The following ART1 variants were observed in gnomAD, a reference collection of about 807,000 sequenced individuals.
The protein encoded by ART1 is GPI-linked NAD(P)(+)--arginine ADP-ribosyltransferase 1.
ART1 carries 29 observed loss-of-function variants against 27.0 expected under a neutral mutation model. The ratio of observed to expected loss-of-function variants is 1.08; its 90% CI spans 0.80 to 1.47. ART1 has a LOEUF of 1.47. Ranked by LOEUF, ART1 falls within the 40% of genes most tolerant of loss-of-function variation. The pLI, the probability that ART1 is intolerant of heterozygous loss-of-function variation, is 0.00. For synonymous variants in ART1, 201 were observed against 172.2 expected, an observed-to-expected ratio of 1.17 and a Z score of -1.31; for missense variants, 480 against 423.0, an observed-to-expected ratio of 1.13 and a Z score of -1.18.
At chr11:3,663,349 T>C (rs1322172507) in intron 4 of ART1, among the ~76,000 whole-genome samples, 3 of 152,158 alleles carry the variant, frequency 2.0e-5, no homozygotes, top group Non-Finnish European at 4.4e-5. Flanking sequence ...TAATTCCAGA[T>C]ACTGGAAAAG....
intron 1 of ART1, among the ~76,000 whole-genome samples, chr11:3,648,942 A>G (rs1362179231): frequency 6.9e-6 from 1 of 144,136 alleles, no homozygotes; most frequent in Non-Finnish European, 1.5e-5. Flanking sequence ...CCACACCCCA[A>G]CCTCTTACCT....
At chr11:3,662,590 A>ATC (rs1277263024) in intron 4 of ART1, among the ~76,000 whole-genome samples, 14 of 152,350 alleles carry the variant, frequency 9.2e-5, no homozygotes, top group African/African-American at 3.4e-4. Context: ...CACGCCTGTA[A>ATC]TCCCAGCACT....
intron 4 of ART1, among the ~76,000 whole-genome samples, chr11:3,663,500 A>G (rs943354067): frequency 6.6e-6 from 1 of 152,236 alleles, no homozygotes; most frequent in Non-Finnish European, 1.5e-5. Context: ...TTGTGGCAAT[A>G]GAAGGCAGTT....
At chr11:3,655,080 C>G (rs964676661) in intron 1 of ART1, among the ~76,000 whole-genome samples, 7 of 152,214 alleles carry the variant, frequency 4.6e-5, no homozygotes, top group Non-Finnish European at 8.8e-5. Context: ...CTTATCTAAA[C>G]TGGACTTGGT....
At chr11:3,650,137 CAA>C (rs1047434054) in intron 1 of ART1, among the ~76,000 whole-genome samples, 4 of 152,224 alleles carry the variant, frequency 2.6e-5, no homozygotes, top group African/African-American at 9.7e-5. Context: ...CTCCGGCACA[CAA>C]GAACTTCCAC....
intron 2 of ART1, 50 bp from the exon 3 acceptor site, chr11:3,659,533 A>C (rs2077600192): frequency 1.3e-6 from 2 of 1,528,788 alleles, no homozygotes; most frequent in Non-Finnish European, 1.8e-6. Flanking sequence ...CAGGGGACTC[A>C]TTCTCCCAGG....
chr11:3,655,033 C>T (rs1209805794), intron 1 of ART1, among the ~76,000 whole-genome samples: 2 of 152,248 alleles, frequency 1.3e-5, no homozygotes, highest in Non-Finnish European at 1.5e-5. Context: ...CAAACATTTA[C>T]TCCCAGGCTC....
chr11:3,664,024 C>T, intron 4 of ART1, 68 bp from the exon 5 acceptor site: 1 of 1,508,038 alleles, frequency 6.6e-7, no homozygotes, highest in Non-Finnish European at 9.1e-7. Flanking sequence ...CACTTTTGCT[C>T]CTGTGCTCCT....
At chr11:3,660,704 C>T (rs531406237) in intron 3 of ART1, among the ~76,000 whole-genome samples, 2 of 152,302 alleles carry the variant, frequency 1.3e-5, no homozygotes, top group East Asian at 3.9e-4. Context: ...TATTTTCCAG[C>T]CAGATTATTG....
At chr11:3,647,402 T>A (rs529297449) in intron 1 of ART1, among the ~76,000 whole-genome samples, 10 of 150,576 alleles carry the variant, frequency 6.6e-5, no homozygotes, top group African/African-American at 2.0e-4. Context: ...TTGAAAGGCC[T>A]GGGCAGGTGG....
intron 1 of ART1, among the ~76,000 whole-genome samples, chr11:3,656,641 CGGA>C (rs986266425): frequency 6.6e-6 from 1 of 152,020 alleles, no homozygotes; most frequent in African/African-American, 2.4e-5. Context: ...CTCAGCCTCC[CGGA>C]GTTGTCCGGA....
chr11:3,656,599 C>G (rs776511614), intron 1 of ART1, among the ~76,000 whole-genome samples: 6 of 152,074 alleles, frequency 3.9e-5, no homozygotes, highest in Admixed American at 6.6e-5. Flanking sequence ...CCAGGCTGGT[C>G]TTGAACTCCT....
At chr11:3,656,320 G>A (rs2077573989) in intron 1 of ART1, among the ~76,000 whole-genome samples, 1 of 152,044 alleles carries the variant, frequency 6.6e-6, no homozygotes, top group Admixed American at 6.6e-5. Context: ...GAGTTGTTGG[G>A]ACTACAGATA....
At chr11:3,651,882 T>C (rs2077524906) in intron 1 of ART1, among the ~76,000 whole-genome samples, 1 of 150,882 alleles carries the variant, frequency 6.6e-6, no homozygotes, top group Admixed American at 6.6e-5. Flanking sequence ...TATTTCCTTC[T>C]TTCCTGTTCC....
chr11:3,647,899 A>T lies in ART1; in HGVS notation c.-53+2720A>T, dbSNP rs140122228. Among the ~76,000 whole-genome samples, 744 of 152,268 alleles carry T rather than the reference A, an allele frequency of 4.9e-3. 11 individuals carry two copies. Among genetic ancestry groups the T allele is most frequent in the Non-Finnish European group, 5.8e-3 (394 of 68,022 alleles). ...CAGGACACTCTGCAGTCATGTAAGA[A>T]TGGTGGAAGAAGATAGAGGGCAATA... On this transcript the variant is annotated intron_variant, in intron 1 of 4. Coordinates refer to ENST00000250693, the MANE Select transcript of ART1 (RefSeq NM_004314.3).
chr11:3,660,010 T>A lies in ART1; in HGVS notation c.491T>A (p.Leu164His), dbSNP rs748021891. 6.2e-7 allele frequency: 1 copy of A among 1,613,932 alleles called. No homozygotes were observed. The highest frequency in any genetic ancestry group is 2.2e-5 in the East Asian group (1 of 44,876). The change falls in exon 3 of 5, where the codon CTC becomes CAC. Residue 164 changes from leucine (L) to histidine (H), a missense_variant. Leu to His is a moderately conservative substitution (Grantham distance 99). Transcript: ENST00000250693. ...TTCCTGCTGACTGAGGCCCTGCAGC[T>A]CCTGGGCAGCGGCCAGCGTCCACCC... ...LHFLLTEALQ[L>H]LGSGQRPPRC...
chr11:3,653,052 CA>C (rs1373671241), intron 1 of ART1, among the ~76,000 whole-genome samples: 9 of 148,230 alleles, frequency 6.1e-5, no homozygotes, highest in Non-Finnish European at 1.3e-4. Context: ...CCCCTTACCA[CA>C]AAATCTTCGT....
chr11:3,647,694 G>A (rs2077480551), intron 1 of ART1, among the ~76,000 whole-genome samples: 1 of 151,976 alleles, frequency 6.6e-6, no homozygotes. Context: ...GGGATACACA[G>A]AAACTTGGAA....
chr11:3,659,378 C>A, intron 2 of ART1, 102 bp downstream of exon 2: 2 of 1,538,914 alleles, frequency 1.3e-6, no homozygotes, highest in Non-Finnish European at 1.8e-6. Context: ...ATGCCCGACG[C>A]TTCCCCTGGG....
Sources: allele counts gnomAD v4.1 joint callset (sites outside exome capture counted in the v4.1 genomes callset), GRCh38; gene constraint gnomAD v4.1.1; transcripts MANE v1.5; gene names NCBI Gene and HGNC (gene_info 2026-07-23, HGNC 2026-07-21).